NRXN2: variants seen among roughly 807,000 people sequenced by gnomAD.
The protein encoded by NRXN2 is neurexin 2.
In NRXN2, 29 loss-of-function variants were observed where a neutral mutation model predicts 128.8. That is an observed-to-expected ratio of 0.23 (90% CI 0.17 to 0.31). The LOEUF (loss-of-function observed/expected upper bound fraction) is 0.31. Among genes scored for constraint, NRXN2 ranks in the 10% least tolerant of loss-of-function variants. The probability of loss-of-function intolerance (pLI) is 1.00; values close to 1 mark genes in which losing one functional copy is unlikely to be tolerated. For synonymous variants in NRXN2, 1,098 were observed against 1,075.2 expected, an observed-to-expected ratio of 1.02 and a Z score of -0.41; for missense variants, 1,881 against 2,452.6, an observed-to-expected ratio of 0.77 and a Z score of 4.92.
chr11:64,681,111 A>AG (rs1011600338), intron 6 of NRXN2, among the ~76,000 whole-genome samples: 1 of 148,936 alleles, frequency 6.7e-6, no homozygotes, highest in African/African-American at 2.6e-5. Context: ...AAAAAAAAAA[A>AG]AAAGTAAAAA....
At chr11:64,719,431 T>G (rs564794294) in intron 1 of NRXN2, among the ~76,000 whole-genome samples, 49 of 152,316 alleles carry the variant, frequency 3.2e-4, no homozygotes, top group African/African-American at 1.1e-3. Flanking sequence ...AACAAACAGG[T>G]CTAAAGATAA....
In NRXN2 at chr11:64,713,368, CG is replaced by C; in HGVS notation, c.331del (p.Arg111AlafsTer7). The C allele has an allele frequency of 6.9e-7, 1 of 1,439,848 alleles. No homozygotes were observed. The highest frequency in any genetic ancestry group is 9.1e-7 in the Non-Finnish European group (1 of 1,100,672). The allele number at this position is 1,439,848 out of a possible 1,614,324, so 89.2% of individuals were successfully genotyped here. A position where few individuals can be genotyped will look rare whatever the true frequency, so the allele number is the denominator to read the frequency against. ...LQLDTPVADD[R>X]WHMVLLTRDA... Reference sequence around the variant, plus strand: ...GCGGGTCAGCAGCACCATGTGCCAGCGGTCGTCGGCCACCGGCGTGTCCAGC... The same window carrying C: ...GCGGGTCAGCAGCACCATGTGCCAGCGTCGTCGGCCACCGGCGTGTCCAGC... On this transcript the variant is annotated frameshift_variant, in exon 2 of 23. Coordinates refer to ENST00000265459, the MANE Select transcript of NRXN2 (RefSeq NM_015080.4). LOFTEE classifies it high-confidence loss of function.
intron 22 of NRXN2, among the ~76,000 whole-genome samples, chr11:64,609,549 C>T (rs1314648125): frequency 1.3e-5 from 2 of 152,204 alleles, no homozygotes; most frequent in Non-Finnish European, 2.9e-5. Context: ...AAGGTGAGAA[C>T]TATAACTCCC....
intron 3 of NRXN2, among the ~76,000 whole-genome samples, chr11:64,696,568 C>T (rs1266708551): frequency 6.8e-6 from 1 of 147,986 alleles, no homozygotes; most frequent in African/African-American, 2.5e-5. Flanking sequence ...CACACACCTG[C>T]CTGCTGGGCC....
chr11:64,613,676 A>T (rs1262563243), intron 22 of NRXN2, among the ~76,000 whole-genome samples: 2 of 152,222 alleles, frequency 1.3e-5, no homozygotes, highest in Non-Finnish European at 2.9e-5. Context: ...GGTAGGGTGC[A>T]CCTGAGTGAG....
Position 64,713,027 on chromosome 11 carries a change from C to T in NRXN2, c.673G>A (p.Gly225Ser). The T allele has an allele frequency of 1.4e-6, 2 of 1,474,228 alleles. No individual in the cohort carries two copies. The highest frequency in any genetic ancestry group is 1.8e-6 in the Non-Finnish European group (2 of 1,116,026). 91.3% of individuals were successfully genotyped at this position (1,474,228 alleles called of 1,614,324 possible). A position where few individuals can be genotyped will look rare whatever the true frequency, so the allele number is the denominator to read the frequency against. Residue 225 changes from glycine (G) to serine (S), a missense_variant, in exon 2 of 23, where the codon GGC becomes AGC. Physicochemically the swap from Gly to Ser is moderately conservative, Grantham distance 56 (BLOSUM62 0). Coordinates refer to ENST00000265459, the MANE Select transcript of NRXN2 (RefSeq NM_015080.4). ...TGGCTGCAGTCGCAGCCCACCTCGCCGGGGGCCAGCACGGTGCAGAGGCCG... is the reference window on the plus strand; with the variant it reads ...TGGCTGCAGTCGCAGCCCACCTCGCTGGGGGCCAGCACGGTGCAGAGGCCG... ...NGGLCTVLAP[G>S]EVGCDCSHTG...
intron 9 of NRXN2, among the ~76,000 whole-genome samples, chr11:64,666,204 A>ATTTTTT (rs35403625): frequency 7.3e-6 from 1 of 137,196 alleles, no homozygotes; most frequent in African/African-American, 2.7e-5. Flanking sequence ...GAGTGAGTTA[A>ATTTTTT]TTTTTTTTTT....
chr11:64,652,220 C>A, intron 12 of NRXN2, 66 bp from the exon 13 acceptor site: 2 of 1,548,056 alleles, frequency 1.3e-6, no homozygotes, highest in Non-Finnish European at 1.7e-6. Context: ...CCTATATCAC[C>A]TTGGATACAC....
At chr11:64,664,431 T>C (rs913028955) in intron 9 of NRXN2, among the ~76,000 whole-genome samples, 2 of 151,036 alleles carry the variant, frequency 1.3e-5, no homozygotes, top group African/African-American at 4.9e-5. Context: ...TGAGCCGAGA[T>C]TGCGCCACTG....
chr11:64,713,225 C>T lies in NRXN2; in HGVS notation c.475G>A (p.Val159Met). Residue 159 changes from valine (V) to methionine (M), a missense_variant, in exon 2 of 23, where the codon GTG (valine) becomes ATG (methionine). Physicochemically the swap from Val to Met is conservative, Grantham distance 21. Coordinates refer to ENST00000265459, the MANE Select transcript of NRXN2 (RefSeq NM_015080.4). The stretch of plus-strand genomic sequence containing the variant: ...CTCAGCGTAAGCGCCGAGAGGCGCA[C>T]GTCGGGCGGGATGCCGCCCACGAAC... ...DLFVGGIPPD[V>M]RLSALTLSTV... The T allele has an allele frequency of 6.8e-7, 1 of 1,465,064 alleles. No homozygotes were observed. The highest frequency in any genetic ancestry group is 9.0e-7 in the Non-Finnish European group (1 of 1,112,156). The allele number at this position is 1,465,064 out of a possible 1,614,324, so 90.8% of individuals were successfully genotyped here.
In NRXN2 at chr11:64,658,404, A is replaced by G. The variant is rs984603977; in HGVS notation, c.2389+1928T>C. Among the ~76,000 whole-genome samples, 5 of 152,140 alleles carry G rather than the reference A, an allele frequency of 3.3e-5. No homozygotes were observed. The South Asian group carries it at 8.3e-4, about 25-fold the overall frequency. ...CATTGTGCAGACTTGTGGAGCATTG[A>G]CTAGAGTGTCTCCCAGCCTGCTTTC... On this transcript the variant is annotated intron_variant, in intron 11 of 22. Coordinates refer to ENST00000265459, the MANE Select transcript of NRXN2 (RefSeq NM_015080.4).
chr11:64,713,646 C>T lies in NRXN2; in HGVS notation c.54G>A (p.Leu18=). The T allele has an allele frequency of 8.2e-7, 1 of 1,224,346 alleles. No individual in the cohort carries two copies. 75.8% of individuals were successfully genotyped at this position (1,224,346 alleles called of 1,614,324 possible). The change falls in exon 2 of 23, where the codon CTG becomes CTA. Residue 18 remains leucine, a synonymous_variant. Transcript: ENST00000265459. ...CCGCGCGCGCCGCCAGCGCCAGCAG[C>T]AGCAGCAACAGCAGCGGCGGCGGTG... ...RPTPPPLLLL[L]LLALAARADG... is the part of the protein sequence containing the mutation.
rs1168787206 is a variant in NRXN2 at position 64,607,093 on chromosome 11, A to G, written c.*103T>C. 4 of 1,251,614 alleles carry G rather than the reference A, an allele frequency of 3.2e-6. No homozygotes were observed. The highest frequency in any genetic ancestry group is 4.4e-6 in the Non-Finnish European group (4 of 902,632). The allele number at this position is 1,251,614 out of a possible 1,614,324, so 77.5% of individuals were successfully genotyped here. ...CCTCTTCGTAAGAGAAGCCTGAGGC[A>G]GCCAGGGAGAGGGTCCCCAGGCCCC... On this transcript the variant is annotated 3_prime_UTR_variant, in exon 23 of 23. Coordinates refer to ENST00000265459, the MANE Select transcript of NRXN2 (RefSeq NM_015080.4).
chr11:64,615,823 C>T (rs994994073), intron 22 of NRXN2, among the ~76,000 whole-genome samples: 1 of 145,912 alleles, frequency 6.9e-6, no homozygotes, highest in Non-Finnish European at 1.5e-5. Context: ...CTAATGTAGG[C>T]CCAAGCGTGT....
At chr11:64,702,861 G>A (rs1355446506) in intron 2 of NRXN2, among the ~76,000 whole-genome samples, 1 of 149,248 alleles carries the variant, frequency 6.7e-6, no homozygotes, top group Admixed American at 6.6e-5. Flanking sequence ...ATGGTGGTGT[G>A]CGCCTGTAGT....
Position 64,630,154 on chromosome 11 carries a change from C to T in NRXN2, c.3757+248G>A, listed in dbSNP as rs528225709. ...TTGCAACCTTCCCAGCTCAGCCCTG[C>T]ACCCTCCCCCATAGGGGGCGCATTC... is the stretch of plus-strand genomic sequence containing the variant. On this transcript the variant is annotated intron_variant, in intron 19 of 22. Coordinates refer to ENST00000265459, the MANE Select transcript of NRXN2 (RefSeq NM_015080.4). This position sits in a 1 kb window ranked among gnomAD's most constrained non-coding sequence, Gnocchi z 4.6. Among the ~76,000 whole-genome samples the T allele has an allele frequency of 6.6e-6, 1 of 152,126 alleles. No individual in the cohort carries two copies. The highest frequency in any genetic ancestry group is 1.9e-4 in the East Asian group (1 of 5,164).
chr11:64,679,413 G>A (rs558341643), intron 6 of NRXN2, among the ~76,000 whole-genome samples: 12 of 152,244 alleles, frequency 7.9e-5, no homozygotes, highest in South Asian at 6.2e-4. Flanking sequence ...CGAGGCAGGC[G>A]GATCATGAGG....
At chr11:64,625,544 G>C (rs904077156) in intron 20 of NRXN2, among the ~76,000 whole-genome samples, 4 of 152,170 alleles carry the variant, frequency 2.6e-5, no homozygotes, top group Admixed American at 2.6e-4. Flanking sequence ...TTTTAGTTGG[G>C]GAAGGCCCCA....
chr11:64,635,950 C>A lies in NRXN2; in HGVS notation c.3404-498G>T, dbSNP rs528020604. ...CAGAGCTGTGTGCAGCTCTGACTCA[C>A]GGCCAGAGCTGGCGCCCTCCAACAT... On this transcript the variant is annotated intron_variant, in intron 17 of 22. Coordinates refer to ENST00000265459, the MANE Select transcript of NRXN2 (RefSeq NM_015080.4). The surrounding 1 kb of genome is among the most constrained non-coding windows in gnomAD (Gnocchi z 4.8). Among the ~76,000 whole-genome samples, 3 of 152,106 alleles carry A rather than the reference C, an allele frequency of 2.0e-5. No homozygotes were observed. Among genetic ancestry groups the A allele is most frequent in the Non-Finnish European group, 1.5e-5 (1 of 67,992 alleles).
Sources: allele counts gnomAD v4.1 joint callset (sites outside exome capture counted in the v4.1 genomes callset), GRCh38; gene constraint gnomAD v4.1.1; non-coding constraint Gnocchi (gnomAD v3.1); transcripts MANE v1.5; gene names NCBI Gene and HGNC (gene_info 2026-07-23, HGNC 2026-07-21).